Variants in STAG1 observed in about 807,000 individuals in gnomAD.
STAG1 encodes the protein STAG1 cohesin complex component.
In STAG1, 26 loss-of-function variants were observed where a neutral mutation model predicts 170.9. The ratio of observed to expected loss-of-function variants is 0.15; its 90% CI spans 0.11 to 0.21. The LOEUF (loss-of-function observed/expected upper bound fraction) is 0.21. STAG1 is among the 10% of genes least tolerant of loss of function. The pLI is 1.00. For missense variants in STAG1, 964 were observed against 1,509.5 expected (o/e 0.64, Z 5.99); for synonymous variants, 514 against 497.7 (o/e 1.03, Z -0.44).
chr3:136,733,050 C>T (rs1305360974), intron 1 of STAG1, among the ~76,000 whole-genome samples: 1 of 151,186 alleles, frequency 6.6e-6, no homozygotes, highest in East Asian at 1.9e-4. Context: ...TGGATCTATG[C>T]ACAACACAAT....
chr3:136,731,732 C>T (rs1317728697), intron 1 of STAG1, among the ~76,000 whole-genome samples: 1 of 152,182 alleles, frequency 6.6e-6, no homozygotes, highest in Admixed American at 6.5e-5. Flanking sequence ...TGATGAATGA[C>T]TCAATGAGCA....
chr3:136,652,270 C>G (rs879944854), intron 1 of STAG1, among the ~76,000 whole-genome samples: 58 of 152,278 alleles, frequency 3.8e-4, no homozygotes, highest in Non-Finnish European at 7.2e-4. Context: ...AAAGGGCTAA[C>G]GCACTTGTAG....
At position 136,475,868 on chromosome 3, in the gene STAG1, G is replaced by A. The variant is rs933534058; in HGVS notation, c.1026+1421C>T. On this transcript the variant is annotated intron_variant, in intron 10 of 33. Coordinates refer to ENST00000383202, the MANE Select transcript of STAG1 (RefSeq NM_005862.3). The stretch of plus-strand genomic sequence containing the variant: ...TTTCATCACCAGTTCAAAGCCAAGT[G>A]TTGCCTCTTTGGAAACATTTATTTC... Among the ~76,000 whole-genome samples the A allele has an allele frequency of 2.9e-4, 44 of 152,286 alleles. 1 individual carries two copies. The highest frequency in any genetic ancestry group is 1.0e-3 in the African/African-American group (43 of 41,584).
intron 7 of STAG1, among the ~76,000 whole-genome samples, chr3:136,507,145 T>C (rs1246048358): frequency 7.2e-5 from 11 of 152,172 alleles, no homozygotes; most frequent in Admixed American, 5.2e-4. Flanking sequence ...TACATAGCAA[T>C]TGGTGGACAT....
At chr3:136,432,513 T>C (rs1190882437) in intron 16 of STAG1, among the ~76,000 whole-genome samples, 1 of 36,940 alleles carries the variant, frequency 2.7e-5, no homozygotes. Context: ...TTCTTTTTTT[T>C]TGGGGGGGGG....
At position 136,627,546 on chromosome 3, in the gene STAG1, A is replaced by T. The variant is rs1940161263; in HGVS notation, c.29+3324T>A. ...TTATTTAGCTACTTCCTTATCAATG[A>T]GCACTTAGTTTGTCTCTAGTTTTGC... On this transcript the variant is annotated intron_variant, in intron 2 of 33. Transcript: ENST00000383202. 3.9e-5 allele frequency among the ~76,000 whole-genome samples: 6 copies of T among 152,196 alleles called. No individual in the cohort carries two copies. The South Asian group carries it at 1.2e-3, about 32-fold the overall frequency.
intron 22 of STAG1, among the ~76,000 whole-genome samples, chr3:136,390,350 T>G (rs957956159): frequency 6.6e-6 from 1 of 152,230 alleles, no homozygotes; most frequent in Non-Finnish European, 1.5e-5. Context: ...GAATTTGGTA[T>G]GAATAGACAC....
intron 7 of STAG1, among the ~76,000 whole-genome samples, chr3:136,514,967 G>A (rs1934278258): frequency 1.3e-5 from 2 of 152,064 alleles, no homozygotes; most frequent in Non-Finnish European, 2.9e-5. Flanking sequence ...TGTAAATGAT[G>A]AGCTAATGGA....
chr3:136,620,632 C>A (rs1048584778), intron 3 of STAG1, among the ~76,000 whole-genome samples: 6 of 152,122 alleles, frequency 3.9e-5, no homozygotes, highest in Non-Finnish European at 8.8e-5. Flanking sequence ...AGTAGAAATT[C>A]AGGAAGTTGT....
At chr3:136,468,039 C>T (rs535302862) in intron 12 of STAG1, among the ~76,000 whole-genome samples, 1 of 152,012 alleles carries the variant, frequency 6.6e-6, no homozygotes, top group Non-Finnish European at 1.5e-5. Context: ...CACTAAATGC[C>T]CACAAGAGAA....
intron 23 of STAG1, among the ~76,000 whole-genome samples, chr3:136,374,638 T>C (rs913492272): frequency 3.3e-5 from 5 of 151,392 alleles, no homozygotes; most frequent in African/African-American, 1.2e-4. Flanking sequence ...AATTTTTTTT[T>C]TTGTACAGCT....
At chr3:136,721,084 T>C (rs894272899) in intron 1 of STAG1, among the ~76,000 whole-genome samples, 2 of 152,196 alleles carry the variant, frequency 1.3e-5, no homozygotes, top group Non-Finnish European at 2.9e-5. Flanking sequence ...ATTGGAAGTG[T>C]ATAAAAGGTC....
At chr3:136,688,537 G>GC (rs1942615459) in intron 1 of STAG1, among the ~76,000 whole-genome samples, 1 of 152,042 alleles carries the variant, frequency 6.6e-6, no homozygotes, top group Admixed American at 6.6e-5. Flanking sequence ...GATTACAGGC[G>GC]CATGTCACCG....
At chr3:136,509,640 G>T (rs1262366866) in intron 7 of STAG1, among the ~76,000 whole-genome samples, 1 of 152,124 alleles carries the variant, frequency 6.6e-6, no homozygotes, top group Admixed American at 6.5e-5. Flanking sequence ...TAAAAACATA[G>T]TGTCAAAGTA....
At chr3:136,362,210 C>T (rs917104370) in intron 26 of STAG1, among the ~76,000 whole-genome samples, 11 of 149,116 alleles carry the variant, frequency 7.4e-5, no homozygotes, top group Middle Eastern at 3.8e-3. Flanking sequence ...CTACCCGCCT[C>T]GGCCTCCCAA....
intron 14 of STAG1, among the ~76,000 whole-genome samples, chr3:136,446,705 G>A (rs551243949): frequency 6.6e-6 from 1 of 151,856 alleles, no homozygotes; most frequent in South Asian, 2.1e-4. Flanking sequence ...TTACAGGCAT[G>A]AGTCACAGTG....
At chr3:136,460,054 T>A (rs2089230738) in intron 13 of STAG1, among the ~76,000 whole-genome samples, 1 of 151,976 alleles carries the variant, frequency 6.6e-6, no homozygotes, top group Admixed American at 6.6e-5. Flanking sequence ...TAATTAAGAC[T>A]AAATACAAAA....
intron 1 of STAG1, among the ~76,000 whole-genome samples, chr3:136,653,357 ATTAAAATACG>A (rs1941279048): frequency 6.6e-6 from 1 of 152,182 alleles, no homozygotes; most frequent in South Asian, 2.1e-4. Flanking sequence ...ATTTGATTGT[ATTAAAATACG>A]TTAAAAGTTT....
chr3:136,666,299 T>C (rs1305051815), intron 1 of STAG1, among the ~76,000 whole-genome samples: 1 of 151,944 alleles, frequency 6.6e-6, no homozygotes, highest in Non-Finnish European at 1.5e-5. Flanking sequence ...AACACCTCGA[T>C]TTTGGTCTTA....
Sources: allele counts gnomAD v4.1 joint callset (sites outside exome capture counted in the v4.1 genomes callset), GRCh38; gene constraint gnomAD v4.1.1; transcripts MANE v1.5; gene names NCBI Gene and HGNC (gene_info 2026-07-23, HGNC 2026-07-21).